Variants in CFTR observed in about 807,000 individuals in gnomAD.
CFTR encodes the protein CF transmembrane conductance regulator.
Under a neutral mutation model 171.6 loss-of-function variants are expected in CFTR, and 181 were observed. That is an observed-to-expected ratio of 1.05 (90% CI 0.93 to 1.19). The LOEUF is 1.19. CFTR is among the 50% of genes most tolerant of loss of function. CFTR has a pLI of 0.00. For synonymous variants in CFTR, 583 were observed against 608.0 expected, an observed-to-expected ratio of 0.96 and a Z score of 0.60; for missense variants, 1,968 against 1,734.7, an observed-to-expected ratio of 1.13 and a Z score of -2.39.
intron 20 of CFTR, among the ~76,000 whole-genome samples, chr7:117,613,008 A>G (rs887922293): frequency 6.6e-6 from 1 of 151,828 alleles, no homozygotes; most frequent in Admixed American, 6.6e-5. Context: ...ACTGCAGTCT[A>G]CTCTGCTGCT....
intron 17 of CFTR, among the ~76,000 whole-genome samples, chr7:117,604,218 A>G (rs1792270919): frequency 6.6e-6 from 1 of 152,334 alleles, no homozygotes; most frequent in African/African-American, 2.4e-5. Flanking sequence ...AATTTCATGT[A>G]ACTGCTCAAA....
At chr7:117,649,277 GAT>G (rs67557270) in intron 23 of CFTR, among the ~76,000 whole-genome samples, 5,050 of 145,944 alleles carry the variant, frequency 0.035, 219 homozygotes, top group African/African-American at 0.1. Flanking sequence ...TTATACATGG[GAT>G]GTGTGTGTGT....
At chr7:117,560,935 G>A (rs1642372793) in intron 11 of CFTR, 1 of 152,060 alleles carries the variant, frequency 6.6e-6, no homozygotes, top group Non-Finnish European at 1.5e-5. Context: ...CTTACGAGTG[G>A]AAAAGTTGCG....
chr7:117,491,701 C>A (rs1725645530), intron 1 of CFTR, among the ~76,000 whole-genome samples: 1 of 152,046 alleles, frequency 6.6e-6, no homozygotes, highest in Middle Eastern at 3.4e-3. Context: ...ATAAGGACAC[C>A]AGTCATATTG....
intron 22 of CFTR, among the ~76,000 whole-genome samples, chr7:117,637,264 T>C (rs1330986578): frequency 1.3e-5 from 2 of 152,010 alleles, no homozygotes; most frequent in Non-Finnish European, 2.9e-5. Flanking sequence ...TAATTTTTTA[T>C]TGAAAGGTGG....
chr7:117,643,810 G>A (rs528011426), intron 23 of CFTR, among the ~76,000 whole-genome samples: 104 of 152,218 alleles, frequency 6.8e-4, no homozygotes, highest in South Asian at 3.3e-3. Context: ...AATGAAAAAT[G>A]GTGAATTTTT....
intron 14 of CFTR, among the ~76,000 whole-genome samples, chr7:117,594,223 G>A (rs532555979): frequency 2.6e-5 from 4 of 152,242 alleles, no homozygotes; most frequent in Non-Finnish European, 5.9e-5. Context: ...CCTAACCAGT[G>A]CACTATATCC....
chr7:117,634,168 T>C (rs1191267328), intron 22 of CFTR, among the ~76,000 whole-genome samples: 1 of 152,102 alleles, frequency 6.6e-6, no homozygotes, highest in Admixed American at 6.6e-5. Context: ...AAAATAGATA[T>C]AGGCCTATTC....
intron 11 of CFTR, chr7:117,560,655 T>A (rs1215329693): frequency 6.6e-6 from 1 of 152,096 alleles, no homozygotes; most frequent in African/African-American, 2.4e-5. Context: ...GTTTTTTTTT[T>A]AGAGCCCCAT....
intron 2 of CFTR, among the ~76,000 whole-genome samples, chr7:117,506,020 C>A (rs1262327396): frequency 6.6e-6 from 1 of 151,968 alleles, no homozygotes; most frequent in Non-Finnish European, 1.5e-5. Flanking sequence ...GGTTCGATCT[C>A]TTTTGTTTAT....
At chr7:117,594,740 G>A (rs758278926) in intron 14 of CFTR, among the ~76,000 whole-genome samples, 190 bp from the exon 15 acceptor site, 45 of 152,214 alleles carry the variant, frequency 3.0e-4, no homozygotes, top group Non-Finnish European at 5.6e-4. Context: ...ATAAAGCTGT[G>A]TTGCTCCAGT....
chr7:117,642,437 G>T lies in CFTR; in HGVS notation c.3718-1G>T. ...GTGATCCCATCACTTTTACCTTATAGGTGGGCCTCTTGGGAAGAACTGGAT... is the reference window on the plus strand; with the variant it reads ...GTGATCCCATCACTTTTACCTTATATGTGGGCCTCTTGGGAAGAACTGGAT... On this transcript the variant is annotated splice_acceptor_variant, in intron 22 of 26. Coordinates refer to ENST00000003084, the MANE Select transcript of CFTR (RefSeq NM_000492.4). LOFTEE classifies it high-confidence loss of function. The T allele has an allele frequency of 6.2e-7, 1 of 1,613,324 alleles. No homozygotes were observed. The highest frequency in any genetic ancestry group is 1.1e-5 in the South Asian group (1 of 91,062).
intron 1 of CFTR, among the ~76,000 whole-genome samples, chr7:117,493,473 T>A (rs749090681): frequency 1.3e-5 from 2 of 152,128 alleles, no homozygotes; most frequent in African/African-American, 2.4e-5. Context: ...TCTCTGCCTC[T>A]GTCTTGCTCC....
rs397508615 is a variant in CFTR, at chr7:117,642,561, C to G, written c.3841C>G (p.Gln1281Glu). The change falls in exon 23 of 27, where the codon CAG (glutamine) becomes GAG (glutamate). Residue 1281 changes from glutamine (Q) to glutamate (E), a missense_variant. Gln to Glu is a conservative substitution (Grantham distance 29, BLOSUM62 2). Transcript: ENST00000003084. ...GTCTTGGGATTCAATAACTTTGCAACAGTGGAGGAAAGCCTTTGGAGTGAT... is the reference window on the plus strand; with the variant it reads ...GTCTTGGGATTCAATAACTTTGCAAGAGTGGAGGAAAGCCTTTGGAGTGAT... ...GVSWDSITLQ[Q>E]WRKAFGVIPQ... 1 of 1,613,420 alleles carries G rather than the reference C, an allele frequency of 6.2e-7. No homozygotes were observed. The highest frequency in any genetic ancestry group is 1.7e-5 in the Admixed American group (1 of 59,944).
At chr7:117,484,690 A>T (rs193203282) in intron 1 of CFTR, among the ~76,000 whole-genome samples, 12 of 151,684 alleles carry the variant, frequency 7.9e-5, no homozygotes, top group Admixed American at 7.2e-4. Flanking sequence ...TTATAATTAC[A>T]TTTATTTATA....
chr7:117,562,660 T>C (rs949108205), intron 11 of CFTR, among the ~76,000 whole-genome samples: 16 of 152,142 alleles, frequency 1.1e-4, no homozygotes, highest in African/African-American at 3.6e-4. Flanking sequence ...ATGACAACTT[T>C]ATTGTCTTTC....
In CFTR at chr7:117,653,029, A is replaced by G. The variant is rs936441031; in HGVS notation, c.3963+98A>G. On this transcript the variant is annotated intron_variant, in intron 24 of 26. Transcript: ENST00000003084. ...CATTCTACACACTTTGTGTGCATGTATGTGTGTGCACAACTTTAAAATGGA... is the reference window on the plus strand; with the variant it reads ...CATTCTACACACTTTGTGTGCATGTGTGTGTGTGCACAACTTTAAAATGGA... 3.7e-6 allele frequency: 3 copies of G among 815,982 alleles called. No homozygotes were observed. The African/African-American group carries it at 5.0e-5, about 14-fold the overall frequency. 50.5% of individuals were successfully genotyped at this position (815,982 alleles called of 1,614,324 possible). A position where few individuals can be genotyped will look rare whatever the true frequency, so the allele number is the denominator to read the frequency against.
rs1235397597 is a variant in CFTR at position 117,548,639 on chromosome 7, AG to A, written c.1211del. 2 of 1,612,210 alleles carry A rather than the reference AG, an allele frequency of 1.2e-6. No individual in the cohort carries two copies. Among genetic ancestry groups the A allele is most frequent in the Non-Finnish European group, 1.7e-6 (2 of 1,179,026 alleles). On this transcript the variant is annotated splice_acceptor_variant, in intron 9 of 26. Transcript: ENST00000003084. LOFTEE classifies it high-confidence loss of function. Reference sequence around the variant, plus strand: ...GTGTGTGTGTGTGTGTTTTTTTAACAGGGATTTGGGGAATTATTTGAGAAAG... The same window carrying A: ...GTGTGTGTGTGTGTGTTTTTTTAACAGGATTTGGGGAATTATTTGAGAAAG...
At chr7:117,583,278 G>A (rs1198854452) in intron 11 of CFTR, among the ~76,000 whole-genome samples, 2 of 151,994 alleles carry the variant, frequency 1.3e-5, no homozygotes, top group Non-Finnish European at 2.9e-5. Flanking sequence ...CCCATCACCT[G>A]AGCAGTGTGC....
Sources: gnomAD v4.1 joint callset for allele counts (sites outside exome capture counted in the v4.1 genomes callset) on GRCh38, gnomAD v4.1.1 for gene constraint, MANE v1.5 for transcripts, NCBI Gene and HGNC (gene_info 2026-07-23, HGNC 2026-07-21) for gene names.